Variants in WDR7 observed in about 807,000 individuals in gnomAD.
WDR7 encodes WD repeat-containing protein 7.
In WDR7, 46 loss-of-function variants were observed where a neutral mutation model predicts 169.4. That is an observed-to-expected ratio of 0.27 (90% confidence interval 0.21 to 0.35). The LOEUF is 0.35. Among genes scored for constraint, WDR7 ranks in the 10% least tolerant of loss-of-function variants. The pLI, the probability that WDR7 is intolerant of heterozygous loss-of-function variation, is 1.00. For synonymous variants in WDR7, 612 were observed against 666.8 expected, an observed-to-expected ratio of 0.92 and a Z score of 1.27; for missense variants, 1,534 against 1,859.3, an observed-to-expected ratio of 0.83 and a Z score of 3.22.
At chr18:56,862,991 CAG>C (rs1362908663) in intron 20 of WDR7, among the ~76,000 whole-genome samples, 1 of 151,752 alleles carries the variant, frequency 6.6e-6, no homozygotes, top group East Asian at 1.9e-4. Context: ...ATGTAAAATC[CAG>C]AGGAGTACCA....
intron 21 of WDR7, among the ~76,000 whole-genome samples, chr18:56,891,727 A>G (rs1472480877): frequency 6.6e-6 from 1 of 152,138 alleles, no homozygotes; most frequent in Non-Finnish European, 1.5e-5. Context: ...CTTTTCTGTA[A>G]CATATACTGA....
intron 16 of WDR7, among the ~76,000 whole-genome samples, chr18:56,773,459 A>G (rs1159722866): frequency 2.0e-5 from 3 of 152,136 alleles, no homozygotes; most frequent in East Asian, 3.8e-4. Context: ...GAAATATCGA[A>G]TGGGAATTTT....
intron 19 of WDR7, among the ~76,000 whole-genome samples, chr18:56,815,093 C>A (rs141083535): frequency 1.3e-3 from 203 of 152,176 alleles, no homozygotes; most frequent in African/African-American, 4.6e-3. Flanking sequence ...TAAGTTAATA[C>A]CCCTTGTTAG....
chr18:56,679,533 A>G (rs546259052), intron 3 of WDR7, 95 bp downstream of exon 3: 3 of 711,614 alleles, frequency 4.2e-6, no homozygotes, highest in Non-Finnish European at 6.7e-6. Context: ...TTCTTTTAGA[A>G]TATCTCCTAA....
At chr18:56,741,142 T>G (rs2043615419) in intron 14 of WDR7, among the ~76,000 whole-genome samples, 1 of 152,202 alleles carries the variant, frequency 6.6e-6, no homozygotes, top group Non-Finnish European at 1.5e-5. Context: ...GAATGCTTTT[T>G]ATATTTTAAA....
intron 1 of WDR7, among the ~76,000 whole-genome samples, chr18:56,661,878 G>GCACA (rs138471799): frequency 6.6e-6 from 1 of 151,468 alleles, no homozygotes; most frequent in African/African-American, 2.4e-5. Context: ...AAATGCACAA[G>GCACA]CACACACACA....
At chr18:56,938,158 A>T (rs2046984403) in intron 23 of WDR7, among the ~76,000 whole-genome samples, 1 of 152,150 alleles carries the variant, frequency 6.6e-6, no homozygotes, top group Admixed American at 6.5e-5. Flanking sequence ...CATGTTGTTC[A>T]TGGGTCAGCT....
At chr18:56,992,339 T>G (rs1158964221) in intron 26 of WDR7, among the ~76,000 whole-genome samples, 1 of 152,364 alleles carries the variant, frequency 6.6e-6, no homozygotes, top group South Asian at 2.1e-4. Flanking sequence ...AATATCTTTA[T>G]GATGATGAAA....
At chr18:56,934,121 T>G (rs550711909) in intron 22 of WDR7, among the ~76,000 whole-genome samples, 1 of 152,240 alleles carries the variant, frequency 6.6e-6, no homozygotes, top group East Asian at 1.9e-4. Context: ...TCATCCACAT[T>G]GATGGATGAA....
At chr18:56,944,580 A>C (rs538759657) in intron 25 of WDR7, among the ~76,000 whole-genome samples, 26 of 152,288 alleles carry the variant, frequency 1.7e-4, no homozygotes, top group Admixed American at 2.0e-4. Flanking sequence ...TAAACTGTGA[A>C]TCCATTGAAA....
chr18:56,756,611 C>T lies in WDR7; in HGVS notation c.2018C>T (p.Ser673Phe). ...AATTTACCTAAATATTCTCATAACT[C>T]CCTGATGGTTCAAGCAATAAAGACA... ...KGNLPKYSHN[S>F]LMVQAIKTNL... The change falls in exon 15 of 28, where the codon TCC (serine) becomes TTC (phenylalanine). Residue 673 changes from serine (S) to phenylalanine (F), a missense_variant. Physicochemically the swap from Ser to Phe is radical, Grantham distance 155. Coordinates refer to ENST00000254442, the MANE Select transcript of WDR7 (RefSeq NM_015285.3). 6.2e-7 allele frequency: 1 copy of T among 1,608,488 alleles called. No homozygotes were observed.
At chr18:56,922,558 A>G (rs550471901) in intron 21 of WDR7, among the ~76,000 whole-genome samples, 119 of 152,292 alleles carry the variant, frequency 7.8e-4, no homozygotes, top group African/African-American at 2.8e-3. Context: ...CGAAATATGA[A>G]TTTTGGGATG....
intron 14 of WDR7, among the ~76,000 whole-genome samples, chr18:56,740,781 T>C (rs959149605): frequency 2.0e-5 from 3 of 152,146 alleles, no homozygotes; most frequent in African/African-American, 7.2e-5. Flanking sequence ...CCATTTTGCT[T>C]TCTAGAGACA....
chr18:57,027,332 G>A lies in WDR7; in HGVS notation c.*125G>A, dbSNP rs561525359. ...CCACCCCAGTGCCATCCAGTGGCAC[G>A]GCCGGGTCTTGTCACTTGTGCATGC... On this transcript the variant is annotated 3_prime_UTR_variant, in exon 28 of 28. Coordinates refer to ENST00000254442, the MANE Select transcript of WDR7 (RefSeq NM_015285.3). 50 of 1,225,494 alleles carry A rather than the reference G, an allele frequency of 4.1e-5. No individual in the cohort carries two copies. The highest frequency in any genetic ancestry group is 4.5e-4 in the Middle Eastern group (2 of 4,442). The allele number at this position is 1,225,494 out of a possible 1,614,324, so 75.9% of individuals were successfully genotyped here. A position where few individuals can be genotyped will look rare whatever the true frequency, so the allele number is the denominator to read the frequency against.
intron 1 of WDR7, among the ~76,000 whole-genome samples, chr18:56,655,275 A>T (rs2024742110): frequency 6.6e-6 from 1 of 152,178 alleles, no homozygotes; most frequent in Non-Finnish European, 1.5e-5. Context: ...ATGCCTGTGT[A>T]TAGTTCTGTG....
At chr18:56,839,453 T>C (rs9953089) in intron 20 of WDR7, among the ~76,000 whole-genome samples, 8,625 of 152,238 alleles carry the variant, frequency 0.057, 837 homozygotes, top group African/African-American at 0.2. Flanking sequence ...ACTCAACTTA[T>C]ATGATTAATA....
intron 2 of WDR7, among the ~76,000 whole-genome samples, chr18:56,677,230 C>G (rs572722): frequency 0.92 from 139,729 of 152,186 alleles, 65,313 homozygotes; most frequent in East Asian, 1. Flanking sequence ...TTTCAGGCTT[C>G]AGGGATATTT....
At chr18:57,022,090 C>T (rs1265847740) in intron 27 of WDR7, among the ~76,000 whole-genome samples, 1 of 152,224 alleles carries the variant, frequency 6.6e-6, no homozygotes, top group East Asian at 1.9e-4. Context: ...AGAGATCTCA[C>T]CCAGCCCTCA....
intron 12 of WDR7, among the ~76,000 whole-genome samples, chr18:56,706,162 T>C (rs974564041): frequency 6.6e-6 from 1 of 152,204 alleles, no homozygotes; most frequent in Non-Finnish European, 1.5e-5. Flanking sequence ...AAAATGTTCA[T>C]GTTATTTGTC....
Sources: gnomAD v4.1 joint callset for allele counts (sites outside exome capture counted in the v4.1 genomes callset) on GRCh38, gnomAD v4.1.1 for gene constraint, MANE v1.5 for transcripts, NCBI Gene and HGNC (gene_info 2026-07-23, HGNC 2026-07-21) for gene names.